Variants in ZBTB20 observed in about 807,000 individuals in gnomAD.
ZBTB20 encodes the protein zinc finger and BTB domain containing 20, also known as zinc finger and BTB domain-containing protein 20.
ZBTB20 carries 9 observed loss-of-function variants against 56.9 expected under a neutral mutation model. The observed-to-expected ratio is 0.16, with a 90% confidence interval of 0.10 to 0.28. ZBTB20 has a LOEUF of 0.28. Ranked by LOEUF, ZBTB20 falls within the 10% of genes least tolerant of loss-of-function variation. The pLI is 1.00. For missense variants in ZBTB20, 655 were observed against 1,003.0 expected (o/e 0.65, Z 4.69); for synonymous variants, 417 against 420.7 (o/e 0.99, Z 0.11).
intron 7 of ZBTB20, among the ~76,000 whole-genome samples, chr3:114,406,010 T>TAAAAAAAA (rs920237008): frequency 1.4e-5 from 2 of 145,900 alleles, no homozygotes; most frequent in Non-Finnish European, 3.0e-5. Flanking sequence ...CTGAGCAGAT[T>TAAAAAAAA]AAAAAAAAAA....
chr3:115,110,533 C>G (rs1021536224), intron 1 of ZBTB20, among the ~76,000 whole-genome samples: 6 of 152,074 alleles, frequency 3.9e-5, no homozygotes, highest in African/African-American at 1.4e-4. Context: ...TATATACATT[C>G]AGAATGTATG....
chr3:114,542,920 A>G (rs2049291876), intron 6 of ZBTB20, among the ~76,000 whole-genome samples: 2 of 152,322 alleles, frequency 1.3e-5, no homozygotes, highest in Non-Finnish European at 2.9e-5. Flanking sequence ...CGATGCAACA[A>G]ATGGGTTTAA....
chr3:114,499,731 G>GT lies in ZBTB20; in HGVS notation c.-255+620dup, dbSNP rs373077122. 6.1e-3 allele frequency among the ~76,000 whole-genome samples: 919 copies of GT among 150,816 alleles called. 4 individuals carry two copies. The highest frequency in any genetic ancestry group is 8.9e-3 in the Non-Finnish European group (602 of 67,662). On this transcript the variant is annotated intron_variant, in intron 7 of 11. Transcript: ENST00000675478. ...TCTCTTTTTTTTCATATAAAATCGT[G>GT]TTTTTTTTTCCCCCCGAATACCTTT...
At chr3:114,537,581 T>C (rs1461678078) in intron 6 of ZBTB20, among the ~76,000 whole-genome samples, 1 of 152,140 alleles carries the variant, frequency 6.6e-6, no homozygotes, top group African/African-American at 2.4e-5. Flanking sequence ...AGCGTGGCAA[T>C]TCATCAAGGA....
chr3:114,543,441 T>TAA, intron 6 of ZBTB20, among the ~76,000 whole-genome samples: 1 of 152,288 alleles, frequency 6.6e-6, no homozygotes, highest in East Asian at 1.9e-4. Flanking sequence ...GCTGGACCAA[T>TAA]AAGCTGCATT....
intron 6 of ZBTB20, among the ~76,000 whole-genome samples, chr3:114,592,067 T>C (rs2055820067): frequency 6.6e-6 from 1 of 152,108 alleles, no homozygotes; most frequent in South Asian, 2.1e-4. Flanking sequence ...TTGGAAAACA[T>C]GTATGTAGTC....
chr3:114,639,574 G>A (rs182453372), intron 6 of ZBTB20, among the ~76,000 whole-genome samples: 414 of 151,706 alleles, frequency 2.7e-3, no homozygotes, highest in Non-Finnish European at 4.6e-3. Context: ...TAAATTGTAA[G>A]CAAACTGACA....
chr3:114,840,631 C>A (rs2074342296), intron 4 of ZBTB20, among the ~76,000 whole-genome samples: 1 of 152,150 alleles, frequency 6.6e-6, no homozygotes, highest in African/African-American at 2.4e-5. Flanking sequence ...TCACAGAATT[C>A]TCCTAAATGT....
intron 3 of ZBTB20, among the ~76,000 whole-genome samples, chr3:114,950,745 G>C (rs2077038787): frequency 6.6e-6 from 1 of 152,086 alleles, no homozygotes; most frequent in Admixed American, 6.6e-5. Flanking sequence ...ATTCATAATG[G>C]CTTCAAACTG....
chr3:114,886,754 T>C (rs1309372731), intron 4 of ZBTB20, among the ~76,000 whole-genome samples: 1 of 152,160 alleles, frequency 6.6e-6, no homozygotes, highest in African/African-American at 2.4e-5. Context: ...CAGAAAATGA[T>C]TCATAATTCC....
intron 4 of ZBTB20, among the ~76,000 whole-genome samples, chr3:114,844,921 G>A (rs986515119): frequency 1.7e-5 from 2 of 120,002 alleles, no homozygotes; most frequent in Non-Finnish European, 3.4e-5. Flanking sequence ...ATAATATGTT[G>A]TATATTATTG....
At chr3:115,112,682 T>G (rs916308267) in intron 1 of ZBTB20, among the ~76,000 whole-genome samples, 1 of 152,138 alleles carries the variant, frequency 6.6e-6, no homozygotes, top group African/African-American at 2.4e-5. Context: ...ATATGCCACA[T>G]TTTTTTATCC....
intron 5 of ZBTB20, among the ~76,000 whole-genome samples, chr3:114,695,936 T>C (rs1197818469): frequency 6.6e-6 from 1 of 152,048 alleles, no homozygotes; most frequent in Non-Finnish European, 1.5e-5. Context: ...TATTTCTCTG[T>C]AATAAATTTA....
chr3:114,621,525 A>G (rs1578009140), intron 6 of ZBTB20, among the ~76,000 whole-genome samples: 1 of 152,328 alleles, frequency 6.6e-6, no homozygotes, highest in East Asian at 1.9e-4. Flanking sequence ...TCTTAGGGGA[A>G]TCACATAAAT....
chr3:115,064,504 T>C (rs923757556), intron 2 of ZBTB20, among the ~76,000 whole-genome samples: 1 of 138,204 alleles, frequency 7.2e-6, no homozygotes, highest in Non-Finnish European at 1.5e-5. Flanking sequence ...CAGGCTGGAG[T>C]GCAATGGCAA....
chr3:114,842,143 G>T (rs766334092), intron 4 of ZBTB20, among the ~76,000 whole-genome samples: 11 of 152,180 alleles, frequency 7.2e-5, no homozygotes, highest in Non-Finnish European at 1.3e-4. Flanking sequence ...TAGGCTTGAG[G>T]TCATGGATCT....
At chr3:114,658,113 C>T (rs936007314) in intron 6 of ZBTB20, among the ~76,000 whole-genome samples, 1 of 152,046 alleles carries the variant, frequency 6.6e-6, no homozygotes, top group Non-Finnish European at 1.5e-5. Context: ...TCCACTCAGT[C>T]GCTAAATATG....
chr3:114,826,992 T>C (rs2073562509), intron 4 of ZBTB20, among the ~76,000 whole-genome samples: 1 of 151,722 alleles, frequency 6.6e-6, no homozygotes, highest in Non-Finnish European at 1.5e-5. Context: ...ACTTAACATT[T>C]AGGTGCGTAA....
chr3:114,987,238 T>C lies in ZBTB20; in HGVS notation c.-506-12822A>G, dbSNP rs184385514. On this transcript the variant is annotated intron_variant, in intron 2 of 11. Transcript: ENST00000675478. ...CCAGTAAAAGTAAACCTTGAGATGG[T>C]TGAAATATCCATTTTAAATAACGGG... Among the ~76,000 whole-genome samples the C allele has an allele frequency of 2.4e-4, 36 of 152,242 alleles. No homozygotes were observed. The East Asian group carries it at 5.0e-3, about 21-fold the overall frequency.
Sources: gnomAD v4.1 joint callset for allele counts (sites outside exome capture counted in the v4.1 genomes callset) on GRCh38, gnomAD v4.1.1 for gene constraint, MANE v1.5 for transcripts, NCBI Gene and HGNC (gene_info 2026-07-23, HGNC 2026-07-21) for gene names.